Variants in ANAPC1 observed in about 807,000 individuals in gnomAD.
ANAPC1 encodes anaphase promoting complex subunit 1.
Under a neutral mutation model 208.0 loss-of-function variants are expected in ANAPC1, and 36 were observed. The ratio of observed to expected loss-of-function variants is 0.17; its 90% confidence interval spans 0.13 to 0.23. The LOEUF (loss-of-function observed/expected upper bound fraction) is 0.23, where lower values mean the gene tolerates loss of function less well. Among genes scored for constraint, ANAPC1 ranks in the 10% least tolerant of loss-of-function variants. The probability of loss-of-function intolerance (pLI) is 1.00; values close to 1 mark genes in which losing one functional copy is unlikely to be tolerated. For synonymous variants in ANAPC1, 378 were observed against 695.2 expected (o/e 0.54, Z 7.18); for missense variants, 942 against 2,011.6 (o/e 0.47, Z 10.17).
At chr2:111,883,003 T>C (rs1002638667) in intron 1 of ANAPC1, among the ~76,000 whole-genome samples, 12 of 151,496 alleles carry the variant, frequency 7.9e-5, no homozygotes, top group African/African-American at 2.9e-4. Context: ...CCATCTCTAC[T>C]AAAAATACAA....
At chr2:111,860,752 T>C (rs1039606275) in intron 10 of ANAPC1, among the ~76,000 whole-genome samples, 5 of 152,052 alleles carry the variant, frequency 3.3e-5, no homozygotes, top group Non-Finnish European at 5.9e-5. Flanking sequence ...ATCTTAAGTT[T>C]CCAGGACTTC....
chr2:111,873,003 A>G (rs1682836259), intron 5 of ANAPC1: 2 of 461,672 alleles, frequency 4.3e-6, no homozygotes, highest in Non-Finnish European at 7.7e-6. Flanking sequence ...AAAGACGATG[A>G]GTAACAAAAA....
chr2:111,867,167 G>C (rs1241780596), intron 7 of ANAPC1, among the ~76,000 whole-genome samples: 2 of 151,920 alleles, frequency 1.3e-5, no homozygotes, highest in Non-Finnish European at 2.9e-5. Flanking sequence ...GCACATGCCT[G>C]TAATCCCAGC....
chr2:111,792,068 G>A (rs925836000), intron 38 of ANAPC1, among the ~76,000 whole-genome samples: 1 of 152,092 alleles, frequency 6.6e-6, no homozygotes. Flanking sequence ...TTAGTGGAAT[G>A]GTAAAATTTT....
chr2:111,854,470 AC>A (rs1681589480), intron 13 of ANAPC1, among the ~76,000 whole-genome samples: 1 of 152,188 alleles, frequency 6.6e-6, no homozygotes, highest in Non-Finnish European at 1.5e-5. Context: ...AGAGAGTCAG[AC>A]TGTCCTTTGA....
chr2:111,770,230 A>ATATATATATATAC (rs1558652585), intron 47 of ANAPC1, among the ~76,000 whole-genome samples: 19 of 89,404 alleles, frequency 2.1e-4, no homozygotes, highest in African/African-American at 8.1e-4. Context: ...TATATATATA[A>ATATATATATATAC]ATTCTTTAAA....
intron 18 of ANAPC1, among the ~76,000 whole-genome samples, chr2:111,837,584 C>A (rs1164548746): frequency 1.3e-5 from 2 of 151,504 alleles, no homozygotes; most frequent in Non-Finnish European, 2.9e-5. Context: ...GCACTCCAGC[C>A]TGGGCGATAA....
chr2:111,789,457 A>G (rs1289484449), intron 38 of ANAPC1, among the ~76,000 whole-genome samples: 4 of 145,920 alleles, frequency 2.7e-5, no homozygotes, highest in Non-Finnish European at 6.0e-5. Flanking sequence ...ATGCACACAC[A>G]TATACCCAAA....
chr2:111,862,461 G>C lies in ANAPC1; in HGVS notation c.1190C>G (p.Ala397Gly). The change falls in exon 10 of 48, where the codon GCA becomes GGA. Residue 397 changes from alanine (A) to glycine (G), a missense_variant. Ala to Gly is a moderately conservative substitution (Grantham distance 60). Coordinates refer to ENST00000341068, the MANE Select transcript of ANAPC1 (RefSeq NM_022662.4). ...AGGAACAATTGGCTCCGTTTCTGGT[G>C]CAAGAAAGGAGCCATTAGAATTACT... ...PNSNSNGSFLAPETEPIVPEL... is the reference protein window; with the variant it reads ...PNSNSNGSFLGPETEPIVPEL... 6.2e-7 allele frequency: 1 copy of C among 1,611,330 alleles called. No individual in the cohort carries two copies. Among genetic ancestry groups the C allele is most frequent in the Non-Finnish European group, 8.5e-7 (1 of 1,179,442 alleles).
At chr2:111,862,647 T>A (rs753357906) in intron 9 of ANAPC1, 49 bp from the exon 10 acceptor site, 40 of 1,586,578 alleles carry the variant, frequency 2.5e-5, no homozygotes, top group Non-Finnish European at 3.3e-5. Context: ...CAAGGCAGGC[T>A]TATATGACAC....
At chr2:111,835,120 C>T (rs946288046) in intron 18 of ANAPC1, among the ~76,000 whole-genome samples, 2 of 151,682 alleles carry the variant, frequency 1.3e-5, no homozygotes. Flanking sequence ...TTAGGAAAGA[C>T]ATTGGGAGAA....
intron 29 of ANAPC1, among the ~76,000 whole-genome samples, chr2:111,808,350 C>T (rs1678800095): frequency 6.6e-6 from 1 of 152,050 alleles, no homozygotes; most frequent in South Asian, 2.1e-4. Context: ...ATAGCATTTC[C>T]ATTTGGCAGA....
chr2:111,791,239 T>C (rs1442592341), intron 38 of ANAPC1, among the ~76,000 whole-genome samples: 1 of 149,348 alleles, frequency 6.7e-6, no homozygotes, highest in African/African-American at 2.5e-5. Context: ...ATATACCTAC[T>C]AGTTGGCTAA....
At chr2:111,846,550 T>C (rs74985459) in intron 16 of ANAPC1, among the ~76,000 whole-genome samples, 9,985 of 70,178 alleles carry the variant, frequency 0.14, 643 homozygotes, top group Middle Eastern at 0.18. Flanking sequence ...TATATATATA[T>C]ATATATATAT....
intron 42 of ANAPC1, 70 bp from the exon 43 acceptor site, chr2:111,782,577 A>T: frequency 6.3e-7 from 1 of 1,588,398 alleles, no homozygotes. Context: ...GTGTTTTCCC[A>T]ATACCATGTT....
chr2:111,871,995 C>A (rs1682775143), intron 6 of ANAPC1, among the ~76,000 whole-genome samples: 1 of 152,142 alleles, frequency 6.6e-6, no homozygotes, highest in Non-Finnish European at 1.5e-5. Context: ...CTTTCACTTG[C>A]CTGATTGCTC....
At position 111,767,787 on chromosome 2, in the gene ANAPC1, T is replaced by G. The variant is rs1458150064; in HGVS notation, c.*1504A>C. ...TCTACCACTTAAAATTTATTTTTAATTAGAAGAAAACTATGTAACTGTGAA... is the reference window on the plus strand; with the variant it reads ...TCTACCACTTAAAATTTATTTTTAAGTAGAAGAAAACTATGTAACTGTGAA... On this transcript the variant is annotated 3_prime_UTR_variant, in exon 48 of 48. Coordinates refer to ENST00000341068, the MANE Select transcript of ANAPC1 (RefSeq NM_022662.4). 1 of 151,948 alleles carries G rather than the reference T, an allele frequency of 6.6e-6. No homozygotes were observed. The highest frequency in any genetic ancestry group is 1.5e-5 in the Non-Finnish European group (1 of 68,004). 9.4% of individuals were successfully genotyped at this position (151,948 alleles called of 1,614,324 possible).
chr2:111,882,610 G>A (rs995610455), intron 1 of ANAPC1, among the ~76,000 whole-genome samples: 4 of 151,466 alleles, frequency 2.6e-5, no homozygotes, highest in East Asian at 2.0e-4. Context: ...TGGTGTGGGC[G>A]CCTGTAATCC....
intron 6 of ANAPC1, among the ~76,000 whole-genome samples, chr2:111,871,061 T>A (rs1682721044): frequency 6.6e-6 from 1 of 152,220 alleles, no homozygotes; most frequent in South Asian, 2.1e-4. Context: ...TCTATGTGCC[T>A]ACTTTTATAC....
Sources: allele counts gnomAD v4.1 joint callset (sites outside exome capture counted in the v4.1 genomes callset), GRCh38; gene constraint gnomAD v4.1.1; transcripts MANE v1.5; gene names NCBI Gene and HGNC (gene_info 2026-07-23, HGNC 2026-07-21).